Variants in TAF6L observed in about 807,000 individuals in gnomAD.
The protein encoded by TAF6L is TAF6-like RNA polymerase II p300/CBP-associated factor-associated factor 65 kDa subunit 6L.
In TAF6L, 34 loss-of-function variants were observed where a neutral mutation model predicts 57.3. The observed-to-expected ratio is 0.59, with a 90% CI of 0.45 to 0.79. TAF6L has a LOEUF of 0.79. TAF6L is among the 30% of genes least tolerant of loss of function. The pLI, the probability that TAF6L is intolerant of heterozygous loss-of-function variation, is 0.00. For missense variants in TAF6L, 782 were observed against 853.2 expected (o/e 0.92, Z 1.04); for synonymous variants, 417 against 376.3 (o/e 1.11, Z -1.25).
chr11:62,782,066 C>A (rs778012734), intron 7 of TAF6L, 47 bp from the exon 8 acceptor site: 45 of 1,589,632 alleles, frequency 2.8e-5, no homozygotes, highest in Middle Eastern at 1.7e-4. Context: ...TGGTGGGCTC[C>A]TGCCTGTCCC....
intron 3 of TAF6L, 62 bp downstream of exon 3, chr11:62,776,532 A>G (rs1415153762): frequency 1.3e-6 from 2 of 1,534,980 alleles, no homozygotes; most frequent in South Asian, 1.1e-5. Context: ...TGTCCAGTTC[A>G]GGGCTGGCGA....
At chr11:62,775,619 TGAG>T (rs1306458688) in intron 1 of TAF6L, 149 bp from the exon 2 acceptor site, 29 of 780,018 alleles carry the variant, frequency 3.7e-5, no homozygotes, top group Middle Eastern at 3.8e-4. Context: ...TTTCCTTCTC[TGAG>T]CCTCACTTTC....
intron 6 of TAF6L, among the ~76,000 whole-genome samples, chr11:62,779,952 C>CTACATATATATATATATATATA (rs1554996873): frequency 2.0e-5 from 2 of 100,056 alleles, no homozygotes; most frequent in African/African-American, 8.9e-5. Context: ...AGGCGTGAGC[C>CTACATATATATATATATATATA]TATATATATA....
chr11:62,774,579 G>C (rs763629746), intron 1 of TAF6L: 12 of 454,638 alleles, frequency 2.6e-5, no homozygotes, highest in South Asian at 1.9e-4. Context: ...CATCACTTTG[G>C]CGCACGGGAG....
intron 6 of TAF6L, among the ~76,000 whole-genome samples, chr11:62,780,967 G>C (rs1215825785): frequency 6.8e-6 from 1 of 146,412 alleles, no homozygotes; most frequent in Non-Finnish European, 1.5e-5. Flanking sequence ...CGGGCACGGT[G>C]GCTAACGCCT....
At chr11:62,781,516 T>C (rs531597847) in intron 6 of TAF6L, among the ~76,000 whole-genome samples, 34 of 150,068 alleles carry the variant, frequency 2.3e-4, no homozygotes, top group African/African-American at 7.6e-4. Context: ...TACTAAAAAA[T>C]AGAAAAAATT....
intron 10 of TAF6L, 25 bp downstream of exon 10, chr11:62,786,413 C>T (rs767946917): frequency 1.2e-6 from 2 of 1,607,640 alleles, no homozygotes; most frequent in African/African-American, 1.3e-5. Context: ...CTTCCAGCCT[C>T]CCTTCCCTGC....
At chr11:62,775,682 A>G (rs756239259) in intron 1 of TAF6L, 89 bp from the exon 2 acceptor site, 22 of 1,420,792 alleles carry the variant, frequency 1.5e-5, no homozygotes, top group Non-Finnish European at 2.1e-5. Context: ...GAGCACGAGC[A>G]GCAAGGCTGG....
At chr11:62,775,657 T>C in intron 1 of TAF6L, 114 bp from the exon 2 acceptor site, 1 of 1,217,810 alleles carries the variant, frequency 8.2e-7, no homozygotes, top group South Asian at 1.5e-5. Flanking sequence ...CAGAGCTCCT[T>C]GTTTAGAAAC....
chr11:62,787,082 T>C lies in TAF6L; in HGVS notation c.1655T>C (p.Phe552Ser). 6.5e-7 allele frequency: 1 copy of C among 1,536,212 alleles called. No homozygotes were observed. The highest frequency in any genetic ancestry group is 8.7e-7 in the Non-Finnish European group (1 of 1,148,362). Residue 552 changes from phenylalanine (F) to serine (S), a missense_variant, in exon 11 of 11, where the codon TTC (phenylalanine) becomes TCC (serine). Physicochemically the swap from Phe to Ser is radical, Grantham distance 155. This residue lies in a region of TAF6L where 483 missense variants were observed against 445.1 expected (regional missense o/e 1.09). Coordinates refer to ENST00000294168, the MANE Select transcript of TAF6L (RefSeq NM_006473.4). ...CGCGACGTTTTCCAGAAGAGCCGTT[T>C]CGCCCCGCGCGGCGCCCCGCACTTT... Reference protein sequence around the residue: ...GTRDVFQKSRFAPRGAPHFRF... With the variant: ...GTRDVFQKSRSAPRGAPHFRF...
Position 62,786,385 on chromosome 11 carries a change from T to A in TAF6L, c.1086T>A (p.Ile362=). ...KADGHKVYGA[I]LVAVERLLKM... ...ATGGACACAAAGTCTATGGAGCCAT[T>A]CTGGTGAGTACCGTCCCCTTCCAGC... Residue 362 remains isoleucine (I), a synonymous_variant, in exon 10 of 11, where the codon ATT becomes ATA. Coordinates refer to ENST00000294168, the MANE Select transcript of TAF6L (RefSeq NM_006473.4). 6.2e-7 allele frequency: 1 copy of A among 1,613,888 alleles called. No homozygotes were observed. The highest frequency in any genetic ancestry group is 8.5e-7 in the Non-Finnish European group (1 of 1,179,794).
intron 1 of TAF6L, among the ~76,000 whole-genome samples, chr11:62,775,330 G>A (rs76542543): frequency 0.011 from 1,616 of 152,272 alleles, 14 homozygotes; most frequent in Non-Finnish European, 0.017. Flanking sequence ...ACCTGGTCCC[G>A]CTCTTGACAC....
rs1257588993 is a variant in TAF6L, at chr11:62,778,287, C to G, written c.388C>G (p.His130Asp). The change falls in exon 5 of 11, where the codon CAT (histidine) becomes GAT (aspartate). Residue 130 changes from histidine (H) to aspartate (D), a missense_variant and splice_region_variant. By Grantham distance (81) the His-to-Asp change is moderately conservative. Transcript: ENST00000294168. ...ACATCTCTCTGCACTGCTTCTAGTT[C>G]ATGTCTCCTACCTGGATGGCAAAGG... is the stretch of plus-strand genomic sequence containing the variant. ...KGCAETAVRV[H>D]VSYLDGKGNL... The G allele has an allele frequency of 6.2e-7, 1 of 1,614,176 alleles. No individual in the cohort carries two copies. Among genetic ancestry groups the G allele is most frequent in the Non-Finnish European group, 8.5e-7 (1 of 1,180,032 alleles).
At chr11:62,782,510 A>G (rs527818580) in intron 8 of TAF6L, 177 bp downstream of exon 8, 64 of 1,057,090 alleles carry the variant, frequency 6.1e-5, no homozygotes, top group Non-Finnish European at 7.6e-5. Context: ...TGGATTACAA[A>G]TACGCCAAGG....
chr11:62,783,502 T>G (rs1590937366), intron 9 of TAF6L, among the ~76,000 whole-genome samples: 2 of 148,782 alleles, frequency 1.3e-5, no homozygotes, highest in Admixed American at 6.7e-5. Context: ...AAAAGTTAGG[T>G]GTTGCCACTG....
intron 6 of TAF6L, among the ~76,000 whole-genome samples, chr11:62,780,889 A>G (rs1427519255): frequency 6.7e-6 from 1 of 149,246 alleles, no homozygotes; most frequent in African/African-American, 2.5e-5. Flanking sequence ...ATGAGCCGAG[A>G]TCGCGCCACC....
At chr11:62,778,785 T>C (rs963366077) in intron 5 of TAF6L, 84 bp from the exon 6 acceptor site, 2 of 1,120,212 alleles carry the variant, frequency 1.8e-6, no homozygotes, top group Non-Finnish European at 2.7e-6. Context: ...TGTGTGGGGA[T>C]GGTGGTTGAG....
At chr11:62,778,153 T>C (rs763454995) in intron 4 of TAF6L, 25 bp downstream of exon 4, 3 of 1,613,364 alleles carry the variant, frequency 1.9e-6, no homozygotes, top group Non-Finnish European at 2.5e-6. Context: ...CCTGCATGGG[T>C]TGGGGATGGG....
rs1038569482 is a variant in TAF6L at position 62,783,481 on chromosome 11, CAA to C, written c.960+669_960+670del. On this transcript the variant is annotated intron_variant, in intron 9 of 10. Coordinates refer to ENST00000294168, the MANE Select transcript of TAF6L (RefSeq NM_006473.4). The stretch of plus-strand genomic sequence containing the variant: ...TGGGCGACAGAGCGAGACTCTGTCT[CAA>C]AAAAAAAAAAAAGTTAGGTGTTGCC... Among the ~76,000 whole-genome samples the C allele has an allele frequency of 2.2e-4, 16 of 72,242 alleles. No individual in the cohort carries two copies. The South Asian group carries it at 3.7e-3, about 17-fold the overall frequency. The allele number at this position is 72,242 out of a possible 152,430, so 47.4% of individuals were successfully genotyped here.
Sources: gnomAD v4.1 joint callset for allele counts (sites outside exome capture counted in the v4.1 genomes callset) on GRCh38, gnomAD v4.1.1 for gene constraint, gnomAD v4.1.1 regional missense constraint, MANE v1.5 for transcripts, NCBI Gene and HGNC (gene_info 2026-07-23, HGNC 2026-07-21) for gene names.